Variants in IARS1 observed in about 807,000 individuals in gnomAD.
IARS1 encodes isoleucine--tRNA ligase, cytoplasmic.
In IARS1, 124 loss-of-function variants were observed where a neutral mutation model predicts 168.2. That is an observed-to-expected ratio of 0.74 (90% CI 0.64 to 0.86). The LOEUF is 0.86. IARS1 is among the 40% of genes least tolerant of loss of function. The pLI is 0.00. For missense variants in IARS1, 1,452 were observed against 1,515.8 expected, an observed-to-expected ratio of 0.96 and a Z score of 0.70; for synonymous variants, 532 against 529.4, an observed-to-expected ratio of 1.00 and a Z score of -0.07.
At position 92,229,739 on chromosome 9, in the gene IARS1, A is replaced by G. The variant is rs544215509; in HGVS notation, c.3284-613T>C. On this transcript the variant is annotated intron_variant, in intron 30 of 33. Coordinates refer to ENST00000443024, the MANE Select transcript of IARS1 (RefSeq NM_002161.6). ...TCCCCTAATGGTGACATTTTACAAA[A>G]CTACAGTGTATACCACAACCAGCAT... Among the ~76,000 whole-genome samples, 3 of 152,304 alleles carry G rather than the reference A, an allele frequency of 2.0e-5. No individual in the cohort carries two copies. The East Asian group carries it at 5.8e-4, about 29-fold the overall frequency.
intron 1 of IARS1, 153 bp downstream of exon 1, chr9:92,293,458 C>A: frequency 1.9e-6 from 1 of 532,444 alleles, no homozygotes; most frequent in South Asian, 1.4e-5. Context: ...AAAAAGGCGA[C>A]CATAAATTCC....
intron 33 of IARS1, among the ~76,000 whole-genome samples, chr9:92,219,722 C>CGAG: frequency 7.5e-6 from 1 of 133,166 alleles, no homozygotes; most frequent in East Asian, 2.0e-4. Context: ...AATGAGATAC[C>CGAG]ATCTCACACC....
At position 92,222,644 on chromosome 9, in the gene IARS1, G is replaced by A. The variant is rs1018861961; in HGVS notation, c.3582C>T (p.Leu1194=). 3 of 1,613,926 alleles carry A rather than the reference G, an allele frequency of 1.9e-6. No homozygotes were observed. Among genetic ancestry groups the A allele is most frequent in the African/African-American group, 1.3e-5 (1 of 74,890 alleles). ...QECLMGTVGT[L]LLENPLGQNG... ...TCTGCCCAAGTGGGTTTTCAAGCAG[G>A]AGAGTGCCCACTGTCCCCATTAAAC... is the stretch of plus-strand genomic sequence containing the variant. The change falls in exon 33 of 34, where the codon CTC becomes CTT. Residue 1194 remains leucine (L), a synonymous_variant. Coordinates refer to ENST00000443024, the MANE Select transcript of IARS1 (RefSeq NM_002161.6).
intron 5 of IARS1, chr9:92,286,106 G>C: frequency 2.8e-6 from 1 of 358,478 alleles, no homozygotes. Context: ...AGTGGCTCAC[G>C]TCTGTAATCG....
intron 1 of IARS1, 44 bp downstream of exon 1, chr9:92,293,567 C>T: frequency 8.7e-6 from 4 of 461,132 alleles, no homozygotes; most frequent in East Asian, 5.9e-5. Context: ...CGTGCGTGAC[C>T]CTCGTCTTTG....
chr9:92,244,972 T>G lies in IARS1; in HGVS notation c.2891A>C (p.His964Pro). The stretch of plus-strand genomic sequence containing the variant: ...ACAGAAAAATACCTGAGCATCTGAG[T>G]GTGCTTCAAATTGCGCAGTCCCACC... Reference protein sequence around the residue: ...ATGGTAQFEAHSDAQALVLLD... With the variant: ...ATGGTAQFEAPSDAQALVLLD... The change falls in exon 27 of 34, where the codon CAC becomes CCC. Residue 964 changes from histidine (H) to proline (P), a missense_variant. By Grantham distance (77) the His-to-Pro change is moderately conservative (BLOSUM62 -2). Transcript: ENST00000443024. The G allele has an allele frequency of 1.2e-6, 2 of 1,613,760 alleles. No individual in the cohort carries two copies. Among genetic ancestry groups the G allele is most frequent in the Non-Finnish European group, 1.7e-6 (2 of 1,179,674 alleles).
At position 92,256,740 on chromosome 9, in the gene IARS1, C is replaced by T. The variant is rs145796591; in HGVS notation, c.2077G>A (p.Asp693Asn). The change falls in exon 20 of 34, where the codon GAC becomes AAC. Residue 693 changes from aspartate (D) to asparagine (N), a missense_variant. By Grantham distance (23) the Asp-to-Asn change is conservative. Transcript: ENST00000443024. ...NTVRESPNIT[D>N]RWILSFMQSL... is the part of the protein sequence containing the mutation. The stretch of plus-strand genomic sequence containing the variant: ...TGCATGAAGGACAGGATCCACCGGT[C>T]TGTAATGTTGGGGCTTTCTCTAACC... The T allele has an allele frequency of 2.5e-5, 40 of 1,613,914 alleles. No individual in the cohort carries two copies. The highest frequency in any genetic ancestry group is 4.2e-6 in the Non-Finnish European group (5 of 1,179,836).
intron 33 of IARS1, among the ~76,000 whole-genome samples, chr9:92,211,150 A>C (rs902422117): frequency 5.3e-5 from 8 of 152,196 alleles, no homozygotes; most frequent in Non-Finnish European, 7.3e-5. Context: ...CAGGACAGAA[A>C]GACCAAGTAT....
chr9:92,240,951 G>T lies in IARS1; in HGVS notation c.3188C>A (p.Ser1063Tyr). 1 of 1,608,106 alleles carries T rather than the reference G, an allele frequency of 6.2e-7. No individual in the cohort carries two copies. The highest frequency in any genetic ancestry group is 1.1e-5 in the South Asian group (1 of 90,798). Residue 1063 changes from serine (S) to tyrosine (Y), a missense_variant, in exon 30 of 34, where the codon TCT becomes TAT. Physicochemically the swap from Ser to Tyr is moderately radical, Grantham distance 144. Transcript: ENST00000443024. ...LIQEKTQLKG[S>Y]ELEITLTRGS... is the part of the protein sequence containing the mutation. ...TCTGGTGAGTGTAATTTCCAGTTCA[G>T]ATCCCTTCAACTGAGCACATGAGAA...
chr9:92,281,866 C>T (rs1242966242), intron 6 of IARS1, among the ~76,000 whole-genome samples: 2 of 152,034 alleles, frequency 1.3e-5, no homozygotes, highest in East Asian at 3.9e-4. Flanking sequence ...TCAAATATGT[C>T]AGTATTATGA....
intron 10 of IARS1, among the ~76,000 whole-genome samples, chr9:92,274,190 T>A (rs1468338275): frequency 6.6e-6 from 1 of 152,134 alleles, no homozygotes; most frequent in Non-Finnish European, 1.5e-5. Context: ...TAGATGCCTG[T>A]CAAAACTCAC....
chr9:92,221,474 C>G (rs752831222), intron 33 of IARS1, among the ~76,000 whole-genome samples: 2 of 152,118 alleles, frequency 1.3e-5, no homozygotes, highest in African/African-American at 2.4e-5. Context: ...ACAGATCCCA[C>G]AAAGGGAAGC....
chr9:92,211,013 G>T, intron 33 of IARS1, 124 bp from the exon 34 acceptor site: 1 of 650,142 alleles, frequency 1.5e-6, no homozygotes, highest in Non-Finnish European at 2.8e-6. Flanking sequence ...TCTGCCTTTT[G>T]TCCCAGCTCC....
intron 21 of IARS1, chr9:92,252,301 T>C (rs1173390080): frequency 1.1e-5 from 5 of 459,546 alleles, no homozygotes; most frequent in Non-Finnish European, 2.2e-5. Flanking sequence ...AAAATACCAA[T>C]TCATTGAAAT....
At chr9:92,289,028 G>C (rs1371453902) in intron 2 of IARS1, among the ~76,000 whole-genome samples, 1 of 151,844 alleles carries the variant, frequency 6.6e-6, no homozygotes, top group Admixed American at 6.6e-5. Context: ...GGGCAACATG[G>C]TGAAACCCCG....
chr9:92,252,512 A>G, intron 21 of IARS1: 1 of 443,604 alleles, frequency 2.3e-6, no homozygotes, highest in South Asian at 1.6e-5. Context: ...CACACCTGTA[A>G]CACCACTGCT....
chr9:92,263,750 G>A (rs1831871870), intron 16 of IARS1, among the ~76,000 whole-genome samples: 1 of 152,216 alleles, frequency 6.6e-6, no homozygotes, highest in Non-Finnish European at 1.5e-5. Context: ...CTCAGGAATG[G>A]AGAAGGAGGC....
rs371363717 is a variant in IARS1, at chr9:92,222,512, C to T, written c.3706+8G>A. ...AAATAAAAAACTTACGGTCCACAAT[C>T]TCCTTACCCTGCGTTTGGGTCTCAT... On this transcript the variant is annotated splice_region_variant and intron_variant, in intron 33 of 33. Transcript: ENST00000443024. 5.6e-6 allele frequency: 9 copies of T among 1,610,580 alleles called. No homozygotes were observed. Among genetic ancestry groups the T allele is most frequent in the Middle Eastern group, 1.7e-4 (1 of 6,052 alleles).
chr9:92,221,149 G>A (rs958358334), intron 33 of IARS1, among the ~76,000 whole-genome samples: 3 of 152,080 alleles, frequency 2.0e-5, no homozygotes, highest in African/African-American at 7.2e-5. Flanking sequence ...AGATAAAAAA[G>A]CCAAAATTAT....
Sources: gnomAD v4.1 joint callset for allele counts (sites outside exome capture counted in the v4.1 genomes callset) on GRCh38, gnomAD v4.1.1 for gene constraint, MANE v1.5 for transcripts, NCBI Gene and HGNC (gene_info 2026-07-23, HGNC 2026-07-21) for gene names.